Variants in ANKDD1A observed in about 807,000 individuals in gnomAD.
The protein encoded by ANKDD1A is ankyrin repeat and death domain containing 1A.
A neutral mutation model predicts 63.5 loss-of-function variants in ANKDD1A; 59 were observed. The observed-to-expected ratio is 0.93, with a 90% CI of 0.75 to 1.15. ANKDD1A has a LOEUF of 1.15. Among genes scored for constraint, ANKDD1A ranks in the 50% most tolerant of loss-of-function variants. ANKDD1A has a pLI of 0.00. For synonymous variants in ANKDD1A, 266 were observed against 263.9 expected (o/e 1.01, Z -0.08); for missense variants, 632 against 656.4 (o/e 0.96, Z 0.41).
chr15:64,945,848 G>A (rs1031426732), intron 12 of ANKDD1A, among the ~76,000 whole-genome samples: 7 of 151,048 alleles, frequency 4.6e-5, no homozygotes, highest in Non-Finnish European at 8.8e-5. Flanking sequence ...TGGCCAGGAT[G>A]GTCTCAATCT....
chr15:64,919,514 C>T (rs951046784), intron 3 of ANKDD1A, among the ~76,000 whole-genome samples: 3 of 151,988 alleles, frequency 2.0e-5, no homozygotes, highest in African/African-American at 7.3e-5. Context: ...ATTTGAGGCT[C>T]TATGCGAGAT....
At chr15:64,921,163 G>A (rs540073702) in intron 3 of ANKDD1A, among the ~76,000 whole-genome samples, 1 of 151,552 alleles carries the variant, frequency 6.6e-6, no homozygotes, top group South Asian at 2.1e-4. Flanking sequence ...CTGTAGAGAT[G>A]GGGGTCCCCC....
At chr15:64,917,277 C>G (rs2084974607) in intron 2 of ANKDD1A, 109 bp from the exon 3 acceptor site, 6 of 1,387,040 alleles carry the variant, frequency 4.3e-6, no homozygotes, top group Middle Eastern at 2.7e-4. Flanking sequence ...CCAGAGCCAG[C>G]AAAGACCCTT....
intron 14 of ANKDD1A, among the ~76,000 whole-genome samples, chr15:64,951,948 CTTCTTT>C (rs974516161): frequency 1.4e-5 from 2 of 139,654 alleles, no homozygotes; most frequent in African/African-American, 5.3e-5. Flanking sequence ...TTTTCTTCTT[CTTCTTT>C]CCTTCTGCTC....
intron 1 of ANKDD1A, among the ~76,000 whole-genome samples, chr15:64,914,586 G>A (rs2084955920): frequency 6.6e-6 from 1 of 152,252 alleles, no homozygotes; most frequent in Non-Finnish European, 1.5e-5. Flanking sequence ...GAGCCACCAT[G>A]CCTGGCTCAA....
intron 4 of ANKDD1A, among the ~76,000 whole-genome samples, chr15:64,923,438 C>T (rs535780952): frequency 9.9e-5 from 15 of 152,256 alleles, no homozygotes; most frequent in East Asian, 7.7e-4. Context: ...GAAACTAATA[C>T]GCCATTGTAA....
chr15:64,917,251 CCCAGCTAGCTGGGGA>C, intron 2 of ANKDD1A, 120 bp from the exon 3 acceptor site: 3 of 1,200,944 alleles, frequency 2.5e-6, no homozygotes, highest in Non-Finnish European at 3.4e-6. Flanking sequence ...GGGCTGGGTC[CCCAGCTAGCTGGGGA>C]CCAGAGCCAG....
At chr15:64,952,663 CCTTCTTCCTTCTTCTTCTTCCT>C (rs2085316435) in intron 14 of ANKDD1A, among the ~76,000 whole-genome samples, 1 of 20,630 alleles carries the variant, frequency 4.8e-5, no homozygotes, top group African/African-American at 1.0e-4. Flanking sequence ...TTCTTCTTCC[CCTTCTTCCTTCTTCTTCTTCCT>C]CTCCTTTTTC....
At chr15:64,933,943 T>A (rs569996002) in intron 8 of ANKDD1A, among the ~76,000 whole-genome samples, 193 bp from the exon 9 acceptor site, 1 of 152,314 alleles carries the variant, frequency 6.6e-6, no homozygotes, top group African/African-American at 2.4e-5. Flanking sequence ...AGGAAAAGAC[T>A]GAGACCATAA....
At chr15:64,935,682 A>G (rs1378480109) in intron 9 of ANKDD1A, among the ~76,000 whole-genome samples, 2 of 151,978 alleles carry the variant, frequency 1.3e-5, no homozygotes, top group Non-Finnish European at 2.9e-5. Context: ...CTCAAAAAAA[A>G]AAGAAAAGAA....
At chr15:64,950,981 C>G in intron 14 of ANKDD1A, 9 of 1,272,546 alleles carry the variant, frequency 7.1e-6, no homozygotes, top group Non-Finnish European at 9.2e-6. Flanking sequence ...GCAAACGCAG[C>G]CCCGAGTGCC....
chr15:64,953,133 CT>C (rs537807860), intron 14 of ANKDD1A, among the ~76,000 whole-genome samples: 40 of 98,774 alleles, frequency 4.0e-4, no homozygotes, highest in Non-Finnish European at 7.2e-4. Flanking sequence ...TTTCTTCTTC[CT>C]TTTTTCTTCC....
intron 3 of ANKDD1A, among the ~76,000 whole-genome samples, chr15:64,919,302 C>G (rs150569177): frequency 1.3e-5 from 2 of 152,148 alleles, no homozygotes; most frequent in Non-Finnish European, 2.9e-5. Context: ...GGACTCTGCC[C>G]GTGCTTGTTC....
At chr15:64,951,988 T>C (rs576554034) in intron 14 of ANKDD1A, among the ~76,000 whole-genome samples, 2 of 148,010 alleles carry the variant, frequency 1.4e-5, no homozygotes, top group East Asian at 3.9e-4. Context: ...CTTCTTATTC[T>C]TCTTTCTTTT....
In ANKDD1A at chr15:64,953,197, ATTCT is replaced by A. The variant is rs1482190991; in HGVS notation, c.1483+3231_1483+3234del. On this transcript the variant is annotated intron_variant, in intron 14 of 14. Transcript: ENST00000319580. ...TCTTCTTTTTCTTCTTCCTCTTCTT[ATTCT>A]TTCTTCTCCTTCTTTCTTGTTCCTT... 1.8e-4 allele frequency among the ~76,000 whole-genome samples: 11 copies of A among 60,278 alleles called. No homozygotes were observed. In the South Asian group the frequency reaches 2.2e-3, roughly 12 times the overall value. The allele number at this position is 60,278 out of a possible 152,430, so 39.5% of individuals were successfully genotyped here. A position where few individuals can be genotyped will look rare whatever the true frequency, so the allele number is the denominator to read the frequency against.
At chr15:64,947,374 GCTTCTGCA>G in intron 12 of ANKDD1A, 22 bp from the exon 13 acceptor site, 2 of 1,598,516 alleles carry the variant, frequency 1.3e-6, no homozygotes, top group Non-Finnish European at 1.7e-6. Flanking sequence ...ATGAGGGAGA[GCTTCTGCA>G]CTTTTGGGAT....
chr15:64,949,961 G>T lies in ANKDD1A; in HGVS notation c.1472G>T (p.Arg491Met). Residue 491 changes from arginine to methionine, a missense_variant, in exon 14 of 15, where the codon AGG (arginine) becomes ATG (methionine). Coordinates refer to ENST00000319580, the MANE Select transcript of ANKDD1A (RefSeq NM_182703.6). ...GAGGGCCTCGTGGCCATTGGCAGGA[G>T]GGACCTGGCTGGTAAGAGCGTACTC... Reference protein sequence around the residue: ...LFEGLVAIGRRDLAGWSTMAR... With the variant: ...LFEGLVAIGRMDLAGWSTMAR... The T allele has an allele frequency of 1.2e-6, 2 of 1,609,914 alleles. No homozygotes were observed. Among genetic ancestry groups the T allele is most frequent in the Non-Finnish European group, 1.7e-6 (2 of 1,179,932 alleles).
rs763512420 is a variant in ANKDD1A, at chr15:64,930,860, C to T, written c.609C>T (p.Gly203=). The T allele has an allele frequency of 8.1e-6, 13 of 1,613,128 alleles. No individual in the cohort carries two copies. The highest frequency in any genetic ancestry group is 1.1e-5 in the Non-Finnish European group (13 of 1,179,978). Residue 203 remains glycine, a synonymous_variant, in exon 7 of 15, where the codon GGC becomes GGT. Transcript: ENST00000319580. ...NTALHLAAGR[G]HMAVLQRLVD... ...CCCTTCATCTGGCTGCTGGTCGGGG[C>T]CATATGGCTGTGCTGCAGCGACTTG...
chr15:64,953,627 CTTCCTT>C (rs1439467324), intron 14 of ANKDD1A, among the ~76,000 whole-genome samples: 1 of 9,588 alleles, frequency 1.0e-4, no homozygotes, highest in African/African-American at 1.4e-4. Flanking sequence ...TCTTCTTCTT[CTTCCTT>C]CTTCTTCCTC....
Sources: allele counts gnomAD v4.1 joint callset (sites outside exome capture counted in the v4.1 genomes callset), GRCh38; gene constraint gnomAD v4.1.1; transcripts MANE v1.5; gene names NCBI Gene and HGNC (gene_info 2026-07-23, HGNC 2026-07-21).